KCTD8: variants seen among roughly 807,000 people sequenced by gnomAD.
KCTD8 encodes the protein potassium channel tetramerization domain containing 8.
A neutral mutation model predicts 31.5 loss-of-function variants in KCTD8; 27 were observed. That is an observed-to-expected ratio of 0.86 (90% CI 0.63 to 1.18). The LOEUF is 1.18. Among genes scored for constraint, KCTD8 ranks in the 50% most tolerant of loss-of-function variants. The pLI, the probability that KCTD8 is intolerant of heterozygous loss-of-function variation, is 0.00. For synonymous variants in KCTD8, 290 were observed against 280.0 expected, an observed-to-expected ratio of 1.04 and a Z score of -0.36; for missense variants, 658 against 647.7, an observed-to-expected ratio of 1.02 and a Z score of -0.17.
chr4:44,414,764 G>C (rs1355792350), intron 1 of KCTD8, among the ~76,000 whole-genome samples: 1 of 152,164 alleles, frequency 6.6e-6, no homozygotes, highest in East Asian at 1.9e-4. Flanking sequence ...CTCCAGTGTT[G>C]AAGGTAGGGC....
At chr4:44,193,426 G>C (rs1431861944) in intron 1 of KCTD8, among the ~76,000 whole-genome samples, 2 of 152,190 alleles carry the variant, frequency 1.3e-5, no homozygotes, top group East Asian at 3.9e-4. Flanking sequence ...AGATACATAT[G>C]CTGCCACAAA....
chr4:44,256,752 G>A (rs1253743965), intron 1 of KCTD8, among the ~76,000 whole-genome samples: 1 of 151,920 alleles, frequency 6.6e-6, no homozygotes, highest in Non-Finnish European at 1.5e-5. Flanking sequence ...TGAGTAAGAA[G>A]TCATGAGCCA....
chr4:44,357,103 C>A (rs977497583), intron 1 of KCTD8, among the ~76,000 whole-genome samples: 2 of 147,610 alleles, frequency 1.4e-5, no homozygotes, highest in East Asian at 2.0e-4. Context: ...AAAAAAAAAA[C>A]CCTTCAAAAC....
intron 1 of KCTD8, among the ~76,000 whole-genome samples, chr4:44,259,050 A>T (rs921768376): frequency 6.6e-6 from 1 of 151,934 alleles, no homozygotes; most frequent in Non-Finnish European, 1.5e-5. Context: ...TAATTTCCAC[A>T]ATTAATTAAC....
chr4:44,199,899 C>T (rs184425558), intron 1 of KCTD8, among the ~76,000 whole-genome samples: 1 of 151,738 alleles, frequency 6.6e-6, no homozygotes, highest in African/African-American at 2.4e-5. Flanking sequence ...GACTGATAAA[C>T]CACTAGCTAG....
intron 1 of KCTD8, among the ~76,000 whole-genome samples, chr4:44,396,395 C>T (rs1270817060): frequency 1.3e-5 from 2 of 152,062 alleles, no homozygotes; most frequent in African/African-American, 4.8e-5. Context: ...GGTTTGGGGA[C>T]CACTGCACTA....
At chr4:44,233,311 G>C (rs1355539823) in intron 1 of KCTD8, among the ~76,000 whole-genome samples, 3 of 152,096 alleles carry the variant, frequency 2.0e-5, no homozygotes, top group South Asian at 2.1e-4. Flanking sequence ...TTTTATTAAA[G>C]ATCAGTTCTT....
chr4:44,382,267 T>C (rs1720083828), intron 1 of KCTD8, among the ~76,000 whole-genome samples: 2 of 151,890 alleles, frequency 1.3e-5, no homozygotes, highest in Non-Finnish European at 2.9e-5. Flanking sequence ...ATCATCTCAA[T>C]AGATAGAGAA....
At chr4:44,284,907 CA>C (rs1315347906) in intron 1 of KCTD8, among the ~76,000 whole-genome samples, 6 of 152,102 alleles carry the variant, frequency 3.9e-5, no homozygotes, top group Non-Finnish European at 8.8e-5. Context: ...AAATGCAAAC[CA>C]AAACCACAAT....
intron 1 of KCTD8, among the ~76,000 whole-genome samples, chr4:44,407,668 G>A (rs186219007): frequency 1.1e-4 from 17 of 152,146 alleles, no homozygotes; most frequent in Admixed American, 1.0e-3. Flanking sequence ...TTACAGGTGT[G>A]AGCCACCGCA....
chr4:44,286,298 G>A (rs972033215), intron 1 of KCTD8, among the ~76,000 whole-genome samples: 3 of 152,030 alleles, frequency 2.0e-5, no homozygotes, highest in Non-Finnish European at 2.9e-5. Context: ...CAGTATCTCT[G>A]AAAATACATT....
At chr4:44,327,013 T>G (rs1176617953) in intron 1 of KCTD8, among the ~76,000 whole-genome samples, 4 of 151,884 alleles carry the variant, frequency 2.6e-5, no homozygotes, top group Non-Finnish European at 5.9e-5. Context: ...AGGATGAAAA[T>G]GAAGCCTGTT....
chr4:44,412,690 C>A (rs1033511644), intron 1 of KCTD8, among the ~76,000 whole-genome samples: 1 of 152,078 alleles, frequency 6.6e-6, no homozygotes, highest in African/African-American at 2.4e-5. Flanking sequence ...ACTGGCCTAA[C>A]ATTACAAATT....
intron 1 of KCTD8, among the ~76,000 whole-genome samples, chr4:44,371,566 G>A (rs937793963): frequency 6.6e-6 from 1 of 152,146 alleles, no homozygotes; most frequent in Non-Finnish European, 1.5e-5. Context: ...GATATTGAAA[G>A]CATTGGAGGC....
At chr4:44,196,510 C>A (rs751459824) in intron 1 of KCTD8, among the ~76,000 whole-genome samples, 1 of 152,086 alleles carries the variant, frequency 6.6e-6, no homozygotes, top group Non-Finnish European at 1.5e-5. Context: ...TGTGTGCACC[C>A]GCTCTCATGA....
intron 1 of KCTD8, among the ~76,000 whole-genome samples, chr4:44,315,790 G>T (rs973172035): frequency 6.6e-6 from 1 of 152,018 alleles, no homozygotes; most frequent in Non-Finnish European, 1.5e-5. Flanking sequence ...TTGTTCTCAG[G>T]TTCCATGTTG....
chr4:44,218,535 C>T (rs1054998349), intron 1 of KCTD8, among the ~76,000 whole-genome samples: 2 of 150,046 alleles, frequency 1.3e-5, no homozygotes, highest in African/African-American at 4.9e-5. Flanking sequence ...ACATTGCATG[C>T]CTGTATCAAA....
intron 1 of KCTD8, among the ~76,000 whole-genome samples, chr4:44,401,757 C>T (rs1457909792): frequency 6.6e-6 from 1 of 152,178 alleles, no homozygotes; most frequent in Non-Finnish European, 1.5e-5. Context: ...AAACAAACGG[C>T]AGCAGCTACT....
intron 1 of KCTD8, among the ~76,000 whole-genome samples, chr4:44,354,837 T>C (rs201902736): frequency 1.3e-5 from 2 of 152,232 alleles, no homozygotes; most frequent in South Asian, 2.1e-4. Flanking sequence ...GTAAAACATT[T>C]AGCAAATAAC....
Sources: gnomAD v4.1 joint callset for allele counts (sites outside exome capture counted in the v4.1 genomes callset) on GRCh38, gnomAD v4.1.1 for gene constraint, MANE v1.5 for transcripts, NCBI Gene and HGNC (gene_info 2026-07-23, HGNC 2026-07-21) for gene names.